The following RGL1 variants were observed in gnomAD, a reference collection of about 807,000 sequenced individuals.
The protein encoded by RGL1 is ral guanine nucleotide dissociation stimulator like 1, also known as ral guanine nucleotide dissociation stimulator-like 1.
In RGL1, 24 loss-of-function variants were observed where a neutral mutation model predicts 95.2. That is an observed-to-expected ratio of 0.25 (90% confidence interval 0.18 to 0.35). The LOEUF (loss-of-function observed/expected upper bound fraction) is 0.35. RGL1 is among the 10% of genes least tolerant of loss of function. The probability of loss-of-function intolerance (pLI) is 1.00; values close to 1 mark genes in which losing one functional copy is unlikely to be tolerated. For missense variants in RGL1, 715 were observed against 936.3 expected, an observed-to-expected ratio of 0.76 and a Z score of 3.08; for synonymous variants, 329 against 344.9, an observed-to-expected ratio of 0.95 and a Z score of 0.51.
At chr1:183,775,319 C>T (rs1200416753) in intron 2 of RGL1, among the ~76,000 whole-genome samples, 2 of 152,180 alleles carry the variant, frequency 1.3e-5, no homozygotes, top group Non-Finnish European at 2.9e-5. Context: ...TGGTGTATAT[C>T]ACCACTTAAC....
At chr1:183,740,906 C>G (rs1042541656) in intron 1 of RGL1, among the ~76,000 whole-genome samples, 6 of 152,066 alleles carry the variant, frequency 3.9e-5, no homozygotes, top group Non-Finnish European at 7.4e-5. Context: ...GCTTATAAGA[C>G]TAGAAGGCGA....
At chr1:183,783,996 A>G (rs1572407261) in intron 2 of RGL1, among the ~76,000 whole-genome samples, 1 of 152,312 alleles carries the variant, frequency 6.6e-6, no homozygotes, top group South Asian at 2.1e-4. Context: ...GTACACAAGC[A>G]TATTAAGGAA....
chr1:183,788,411 T>A (rs898768152), intron 2 of RGL1, among the ~76,000 whole-genome samples: 11 of 152,218 alleles, frequency 7.2e-5, no homozygotes, highest in Admixed American at 6.5e-4. Flanking sequence ...TTAGATGATA[T>A]CCACTTCCAT....
chr1:183,762,123 G>A (rs778150230), intron 2 of RGL1, among the ~76,000 whole-genome samples: 26 of 152,340 alleles, frequency 1.7e-4, no homozygotes, highest in Non-Finnish European at 3.1e-4. Context: ...TCTACTCACT[G>A]GAGTAGCATT....
chr1:183,663,820 C>G (rs1400550543), intron 1 of RGL1, among the ~76,000 whole-genome samples: 1 of 150,810 alleles, frequency 6.6e-6, no homozygotes, highest in African/African-American at 2.5e-5. Context: ...ACCCAAATGT[C>G]CAACAACGAT....
Position 183,822,203 on chromosome 1 carries a change from TA to T in RGL1, c.138+15728del, listed in dbSNP as rs202072667. On this transcript the variant is annotated intron_variant, in intron 2 of 17. Coordinates refer to ENST00000360851, the MANE Select transcript of RGL1 (RefSeq NM_001297671.3). Reference sequence around the variant, plus strand: ...GCTGACCCATTTTTCTTTTCTTAATTAAAAAAAAAATATCTGGCAGGCAAGA... The same window carrying T: ...GCTGACCCATTTTTCTTTTCTTAATTAAAAAAAAATATCTGGCAGGCAAGA... Among the ~76,000 whole-genome samples, 108 of 149,924 alleles carry T rather than the reference TA, an allele frequency of 7.2e-4. No individual in the cohort carries two copies. The Middle Eastern group carries it at 0.031, about 43-fold the overall frequency.
chr1:183,766,875 A>G (rs1658994739), intron 2 of RGL1, among the ~76,000 whole-genome samples: 1 of 152,148 alleles, frequency 6.6e-6, no homozygotes, highest in South Asian at 2.1e-4. Flanking sequence ...AAACATGGGA[A>G]ACCAAATGGC....
rs150367802 is a variant in RGL1 at position 183,849,482 on chromosome 1, A to AATTTTTTTTTTT, written c.347+1708_347+1709insATTTTTTTTTTT. Among the ~76,000 whole-genome samples the AATTTTTTTTTTT allele has an allele frequency of 1.7e-3, 167 of 99,392 alleles. 4 individuals are homozygous for AATTTTTTTTTTT. The highest frequency in any genetic ancestry group is 2.3e-3 in the Admixed American group (17 of 7,390). 65.2% of individuals were successfully genotyped at this position (99,392 alleles called of 152,430 possible). Reference sequence around the variant, plus strand: ...GACATTTAAGTTTTCTCCAGTTTTTAGTTTTTTTTTTTTTTTTTTTTTTTG... The same window carrying AATTTTTTTTTTT: ...GACATTTAAGTTTTCTCCAGTTTTTAATTTTTTTTTTTGTTTTTTTTTTTTTTTTTTTTTTTG... On this transcript the variant is annotated intron_variant, in intron 3 of 17. Coordinates refer to ENST00000360851, the MANE Select transcript of RGL1 (RefSeq NM_001297671.3).
chr1:183,866,081 T>C lies in RGL1; in HGVS notation c.425+8T>C. 1.2e-6 allele frequency: 2 copies of C among 1,603,294 alleles called. No homozygotes were observed. Among genetic ancestry groups the C allele is most frequent in the Non-Finnish European group, 1.7e-6 (2 of 1,170,180 alleles). On this transcript the variant is annotated splice_region_variant and intron_variant, in intron 4 of 17. Transcript: ENST00000360851. ...CAAAATGGTGATCAGGAAGTGAGTC[T>C]CCCTTTTCTTTGCATTCTAAGCTCT...
intron 2 of RGL1, among the ~76,000 whole-genome samples, chr1:183,799,413 A>T (rs571044428): frequency 8.5e-5 from 13 of 152,218 alleles, no homozygotes; most frequent in Admixed American, 3.9e-4. Flanking sequence ...GGCTGTACCA[A>T]TTTACTTTCC....
rs1666205735 is a variant in RGL1, at chr1:183,871,931, A to G, written c.425+5858A>G. On this transcript the variant is annotated intron_variant, in intron 4 of 17. Transcript: ENST00000360851. ...AGGATTCAACTTCCAAGGCTTCTGG[A>G]TGTTGGAATCTTTGCCTCACGGTGA... is the stretch of plus-strand genomic sequence containing the variant. 3.9e-5 allele frequency among the ~76,000 whole-genome samples: 6 copies of G among 152,328 alleles called. No homozygotes were observed. The South Asian group carries it at 1.0e-3, about 26-fold the overall frequency.
chr1:183,923,442 GTAATTA>G (rs1213741987), intron 17 of RGL1, among the ~76,000 whole-genome samples: 10 of 152,090 alleles, frequency 6.6e-5, no homozygotes, highest in African/African-American at 2.2e-4. Flanking sequence ...ACCTTTTGAT[GTAATTA>G]TAATTATAAT....
At chr1:183,816,239 C>A (rs944777902) in intron 2 of RGL1, among the ~76,000 whole-genome samples, 5 of 152,038 alleles carry the variant, frequency 3.3e-5, no homozygotes, top group African/African-American at 1.2e-4. Context: ...TAACAGTGGG[C>A]CATATTCTGT....
At chr1:183,874,347 G>A (rs1265361848) in intron 4 of RGL1, among the ~76,000 whole-genome samples, 1 of 152,056 alleles carries the variant, frequency 6.6e-6, no homozygotes, top group Non-Finnish European at 1.5e-5. Context: ...TTTCTCTTAA[G>A]TACTTAGCTT....
At chr1:183,761,323 T>C (rs148103901) in intron 2 of RGL1, among the ~76,000 whole-genome samples, 1 of 152,242 alleles carries the variant, frequency 6.6e-6, no homozygotes, top group Non-Finnish European at 1.5e-5. Context: ...TATTGTGTTA[T>C]GAAATGCTGT....
At chr1:183,821,787 T>C (rs750967910) in intron 2 of RGL1, among the ~76,000 whole-genome samples, 2 of 152,180 alleles carry the variant, frequency 1.3e-5, no homozygotes, top group Non-Finnish European at 2.9e-5. Context: ...GACTTTTGTC[T>C]GGTTACTTGC....
intron 2 of RGL1, among the ~76,000 whole-genome samples, chr1:183,781,200 T>A (rs987360760): frequency 2.0e-5 from 3 of 152,346 alleles, no homozygotes; most frequent in East Asian, 1.9e-4. Context: ...AAAACCCAGA[T>A]GAAGCAATTA....
intron 1 of RGL1, among the ~76,000 whole-genome samples, chr1:183,639,317 C>T (rs1649760347): frequency 6.6e-6 from 1 of 151,306 alleles, no homozygotes; most frequent in South Asian, 2.1e-4. Flanking sequence ...ACGTTGAATC[C>T]TGCAACGTGA....
intron 2 of RGL1, among the ~76,000 whole-genome samples, chr1:183,755,681 A>T (rs576148520): frequency 3.7e-4 from 56 of 152,306 alleles, no homozygotes; most frequent in African/African-American, 1.3e-3. Flanking sequence ...ATACCTCAAC[A>T]AAGTTGATCT....
Sources: allele counts gnomAD v4.1 joint callset (sites outside exome capture counted in the v4.1 genomes callset), GRCh38; gene constraint gnomAD v4.1.1; transcripts MANE v1.5; gene names NCBI Gene and HGNC (gene_info 2026-07-23, HGNC 2026-07-21).